CDH13: variants seen among roughly 807,000 people sequenced by gnomAD.
The protein encoded by CDH13 is cadherin-13.
CDH13 carries 24 observed loss-of-function variants against 63.8 expected under a neutral mutation model. The ratio of observed to expected loss-of-function variants is 0.38; its 90% confidence interval spans 0.27 to 0.53. CDH13 has a LOEUF of 0.53. CDH13 is among the 20% of genes least tolerant of loss of function. CDH13 has a pLI of 0.85. For synonymous variants in CDH13, 503 were observed against 355.3 expected (o/e 1.42, Z -4.67); for missense variants, 1,049 against 903.1 (o/e 1.16, Z -2.07).
At chr16:83,674,743 G>A (rs1359745920) in intron 9 of CDH13, among the ~76,000 whole-genome samples, 1 of 152,244 alleles carries the variant, frequency 6.6e-6, no homozygotes, top group East Asian at 1.9e-4. Flanking sequence ...TGACAGATGA[G>A]TGTCGGCTTC....
intron 3 of CDH13, among the ~76,000 whole-genome samples, chr16:83,087,468 G>C (rs1316146347): frequency 6.6e-6 from 1 of 152,042 alleles, no homozygotes; most frequent in Non-Finnish European, 1.5e-5. Context: ...AGGAGTTCGA[G>C]ACCAGCCTAC....
chr16:82,740,519 A>G, intron 1 of CDH13, among the ~76,000 whole-genome samples: 1 of 152,224 alleles, frequency 6.6e-6, no homozygotes, highest in East Asian at 1.9e-4. Flanking sequence ...ATAACAAGCC[A>G]TGCTAAAATT....
chr16:82,877,922 T>TAC (rs1243626221), intron 2 of CDH13, among the ~76,000 whole-genome samples: 1 of 42,998 alleles, frequency 2.3e-5, no homozygotes, highest in Non-Finnish European at 5.2e-5. Flanking sequence ...TACATACACA[T>TAC]AGACACACAC....
intron 1 of CDH13, chr16:82,705,068 G>C (rs187028555): frequency 2.2e-6 from 1 of 446,962 alleles, no homozygotes; most frequent in East Asian, 7.0e-5. Context: ...GTAGACACCA[G>C]TGAGGCCTAC....
At chr16:83,131,833 A>G (rs564396560) in intron 4 of CDH13, among the ~76,000 whole-genome samples, 1 of 152,360 alleles carries the variant, frequency 6.6e-6, no homozygotes, top group East Asian at 1.9e-4. Flanking sequence ...TTAACCCAGG[A>G]TAGAAGAAAT....
intron 11 of CDH13, 86 bp downstream of exon 11, chr16:83,748,336 G>A (rs1912781284): frequency 3.2e-6 from 4 of 1,263,640 alleles, no homozygotes; most frequent in Non-Finnish European, 4.4e-6. Flanking sequence ...GATACACCCA[G>A]GGGTGTTCTT....
chr16:83,009,522 A>G (rs1686253606), intron 2 of CDH13, among the ~76,000 whole-genome samples: 1 of 152,148 alleles, frequency 6.6e-6, no homozygotes, highest in South Asian at 2.1e-4. Context: ...TTTATAGATC[A>G]TCAAATTGAG....
intron 1 of CDH13, among the ~76,000 whole-genome samples, chr16:82,730,867 A>G (rs2033364870): frequency 6.6e-6 from 1 of 152,206 alleles, no homozygotes; most frequent in African/African-American, 2.4e-5. Flanking sequence ...GTTTTGTTAA[A>G]TACAGCTATC....
At position 83,047,090 on chromosome 16, in the gene CDH13, A is replaced by C. The variant is rs970996511; in HGVS notation, c.366+14872A>C. Among the ~76,000 whole-genome samples, 7 of 152,216 alleles carry C rather than the reference A, an allele frequency of 4.6e-5. No homozygotes were observed. Among genetic ancestry groups the C allele is most frequent in the African/African-American group, 1.7e-4 (7 of 41,452 alleles). ...GGCAAATTAGGATTCCTTTGACAGC[A>C]ACTTTTTACAACTTCCTTCCTTTGA... On this transcript the variant is annotated intron_variant, in intron 3 of 13. Transcript: ENST00000567109. This position sits in a 1 kb window ranked among gnomAD's most constrained non-coding sequence, Gnocchi z 4.9.
chr16:83,122,436 C>T (rs1225695504), intron 3 of CDH13, among the ~76,000 whole-genome samples: 4 of 152,178 alleles, frequency 2.6e-5, no homozygotes, highest in Non-Finnish European at 5.9e-5. Flanking sequence ...ATATGAGTTA[C>T]GCATAGAGCA....
In CDH13 at chr16:82,763,834, C is replaced by T. The variant is rs567700579; in HGVS notation, c.46-94528C>T. ...AGTAGCTGGGACTATAGGTGCACAC[C>T]ACCACGCCCAGGTAATTTTTTGTAG... On this transcript the variant is annotated intron_variant, in intron 1 of 13. Coordinates refer to ENST00000567109, the MANE Select transcript of CDH13 (RefSeq NM_001257.5). Among the ~76,000 whole-genome samples, 4 of 152,290 alleles carry T rather than the reference C, an allele frequency of 2.6e-5. No individual in the cohort carries two copies. In the South Asian group the frequency reaches 6.2e-4, roughly 24 times the overall value.
chr16:83,445,436 T>C (rs1270592070), intron 6 of CDH13, among the ~76,000 whole-genome samples: 3 of 152,198 alleles, frequency 2.0e-5, no homozygotes, highest in African/African-American at 4.8e-5. Flanking sequence ...GTGTTCACAC[T>C]TGGCCTCAAT....
At chr16:83,011,625 C>G (rs1180541247) in intron 2 of CDH13, among the ~76,000 whole-genome samples, 2 of 152,204 alleles carry the variant, frequency 1.3e-5, no homozygotes, top group African/African-American at 2.4e-5. Flanking sequence ...ACACATATCA[C>G]TGAGCAAGGT....
intron 11 of CDH13, among the ~76,000 whole-genome samples, chr16:83,763,027 G>A (rs777975022): frequency 1.3e-5 from 2 of 152,152 alleles, no homozygotes; most frequent in Non-Finnish European, 2.9e-5. Flanking sequence ...TACGGGGCCC[G>A]TATTAAGTCT....
chr16:83,102,930 C>CTTTTTTTTTTCTTTTTCTT (rs2034560024), intron 3 of CDH13, among the ~76,000 whole-genome samples: 1 of 96,934 alleles, frequency 1.0e-5, no homozygotes, highest in African/African-American at 4.6e-5. Flanking sequence ...TTTTCTTTTT[C>CTTTTTTTTTTCTTTTTCTT]TTTTTTTTTT....
chr16:82,729,844 T>C (rs899814930), intron 1 of CDH13, among the ~76,000 whole-genome samples: 2 of 152,222 alleles, frequency 1.3e-5, no homozygotes, highest in African/African-American at 4.8e-5. Context: ...TCGATGATCT[T>C]AGCTAGATCT....
intron 2 of CDH13, among the ~76,000 whole-genome samples, chr16:82,968,443 AG>A (rs1167702137): frequency 6.6e-6 from 1 of 152,308 alleles, no homozygotes; most frequent in African/African-American, 2.4e-5. Flanking sequence ...GTAGGGATGA[AG>A]GGGGTTAAGT....
chr16:83,707,527 G>GCCAGCTAAC (rs1907265504), intron 10 of CDH13, among the ~76,000 whole-genome samples: 1 of 152,066 alleles, frequency 6.6e-6, no homozygotes, highest in Admixed American at 6.5e-5. Flanking sequence ...TCTGTGATAT[G>GCCAGCTAAC]CCAGCTATAT....
At chr16:83,098,813 T>A (rs957095832) in intron 3 of CDH13, among the ~76,000 whole-genome samples, 1 of 152,158 alleles carries the variant, frequency 6.6e-6, no homozygotes, top group African/African-American at 2.4e-5. Flanking sequence ...TTGAGCAATT[T>A]GATTATGATA....
Sources: allele counts gnomAD v4.1 joint callset (sites outside exome capture counted in the v4.1 genomes callset), GRCh38; gene constraint gnomAD v4.1.1; non-coding constraint Gnocchi (gnomAD v3.1); transcripts MANE v1.5; gene names NCBI Gene and HGNC (gene_info 2026-07-23, HGNC 2026-07-21).